HMCN1: variants seen among roughly 807,000 people sequenced by gnomAD.
The protein encoded by HMCN1 is hemicentin-1.
Under a neutral mutation model 625.9 loss-of-function variants are expected in HMCN1, and 321 were observed. That is an observed-to-expected ratio of 0.51 (90% CI 0.47 to 0.56). HMCN1 has a LOEUF of 0.56. Ranked by LOEUF, HMCN1 falls within the 20% of genes least tolerant of loss-of-function variation. The probability of loss-of-function intolerance (pLI) is 0.00; values close to 1 mark genes in which losing one functional copy is unlikely to be tolerated. For synonymous variants in HMCN1, 2,425 were observed against 2,417.6 expected (o/e 1.00, Z -0.09); for missense variants, 6,588 against 6,887.3 (o/e 0.96, Z 1.54).
chr1:185,752,054 G>A (rs1302002910), intron 1 of HMCN1, among the ~76,000 whole-genome samples: 1 of 151,946 alleles, frequency 6.6e-6, no homozygotes, highest in African/African-American at 2.4e-5. Context: ...GTATACTACC[G>A]GTCTTTCTAC....
In HMCN1 at chr1:186,081,220, C is replaced by T; in HGVS notation, c.8613C>T (p.Ile2871=). ...YDVRVLVPPI[I]KGANSDLPEE... is the part of the protein sequence containing the mutation. Reference sequence around the variant, plus strand: ...ATCCTTTGTTAGTGCCGCCAATTATCAAGGGAGCAAATAGTGATCTCCCTG... The same window carrying T: ...ATCCTTTGTTAGTGCCGCCAATTATTAAGGGAGCAAATAGTGATCTCCCTG... The change falls in exon 56 of 107, where the codon ATC becomes ATT. Residue 2871 remains isoleucine (I), a synonymous_variant. Coordinates refer to ENST00000271588, the MANE Select transcript of HMCN1 (RefSeq NM_031935.3). 1 of 1,613,454 alleles carries T rather than the reference C, an allele frequency of 6.2e-7. No homozygotes were observed. Among genetic ancestry groups the T allele is most frequent in the Non-Finnish European group, 8.5e-7 (1 of 1,179,470 alleles).
chr1:185,797,838 C>T (rs1387125870), intron 1 of HMCN1, among the ~76,000 whole-genome samples: 3 of 138,902 alleles, frequency 2.2e-5, no homozygotes, highest in East Asian at 2.0e-4. Flanking sequence ...TAGTGGCGGG[C>T]GCCTGTAGTC....
chr1:185,798,315 T>C lies in HMCN1; in HGVS notation c.269-47711T>C, dbSNP rs143745897. Reference sequence around the variant, plus strand: ...TTCCTTTATAGGCAATTAGATGCTTTTCTCTTGCTGACTTTAGGCTGATGA... The same window carrying C: ...TTCCTTTATAGGCAATTAGATGCTTCTCTCTTGCTGACTTTAGGCTGATGA... On this transcript the variant is annotated intron_variant, in intron 1 of 106. Transcript: ENST00000271588. Among the ~76,000 whole-genome samples, 898 of 152,352 alleles carry C rather than the reference T, an allele frequency of 5.9e-3. 3 individuals carry two copies. Among genetic ancestry groups the C allele is most frequent in the Non-Finnish European group, 9.3e-3 (635 of 68,034 alleles).
At chr1:185,823,904 T>C (rs764068271) in intron 1 of HMCN1, among the ~76,000 whole-genome samples, 23 of 152,232 alleles carry the variant, frequency 1.5e-4, no homozygotes, top group Non-Finnish European at 3.1e-4. Flanking sequence ...AATGTGCGAC[T>C]ATTTCTACTT....
At chr1:185,743,369 C>T (rs1654117791) in intron 1 of HMCN1, among the ~76,000 whole-genome samples, 2 of 152,162 alleles carry the variant, frequency 1.3e-5, no homozygotes, top group African/African-American at 4.8e-5. Flanking sequence ...ATCTCCCATC[C>T]AAGCTTGAAT....
intron 68 of HMCN1, among the ~76,000 whole-genome samples, 175 bp downstream of exon 68, chr1:186,095,696 G>A (rs1361552998): frequency 6.6e-6 from 1 of 151,976 alleles, no homozygotes; most frequent in African/African-American, 2.4e-5. Context: ...GAAGCATGTT[G>A]AATTTAAATT....
chr1:186,146,380 G>T (rs1650319292), intron 93 of HMCN1, among the ~76,000 whole-genome samples: 3 of 152,172 alleles, frequency 2.0e-5, no homozygotes, highest in Non-Finnish European at 4.4e-5. Context: ...GTCATGCATT[G>T]CATCTAGCAA....
At chr1:185,894,877 T>C (rs1665397500) in intron 4 of HMCN1, among the ~76,000 whole-genome samples, 1 of 152,224 alleles carries the variant, frequency 6.6e-6, no homozygotes, top group Admixed American at 6.5e-5. Flanking sequence ...TTGTTTTTTT[T>C]CCTGACACGG....
At chr1:186,031,796 G>C (rs1167455702) in intron 36 of HMCN1, among the ~76,000 whole-genome samples, 2 of 151,878 alleles carry the variant, frequency 1.3e-5, no homozygotes, top group African/African-American at 4.8e-5. Context: ...CAGGTGTTGA[G>C]TTTTTATTAC....
intron 64 of HMCN1, among the ~76,000 whole-genome samples, chr1:186,092,438 C>T (rs965247647): frequency 6.6e-6 from 1 of 151,842 alleles, no homozygotes; most frequent in African/African-American, 2.4e-5. Flanking sequence ...TTACTTTTGA[C>T]ACAGGGTAAT....
chr1:185,944,217 T>C (rs1668221931), intron 11 of HMCN1, among the ~76,000 whole-genome samples: 1 of 151,032 alleles, frequency 6.6e-6, no homozygotes, highest in East Asian at 1.9e-4. Context: ...TAAATGAGAG[T>C]ACTTACCAAA....
chr1:185,846,212 T>A, intron 2 of HMCN1, 116 bp downstream of exon 2: 3 of 744,048 alleles, frequency 4.0e-6, no homozygotes, highest in Non-Finnish European at 7.0e-6. Flanking sequence ...AGGGACCCAA[T>A]AATTGCCACA....
intron 11 of HMCN1, among the ~76,000 whole-genome samples, chr1:185,951,516 A>G (rs1014169847): frequency 2.0e-4 from 30 of 147,516 alleles, no homozygotes; most frequent in South Asian, 4.3e-4. Context: ...CTCAGTGTCC[A>G]TGATGGTCTA....
intron 1 of HMCN1, among the ~76,000 whole-genome samples, chr1:185,764,225 A>G (rs1405934846): frequency 6.6e-6 from 1 of 152,152 alleles, no homozygotes; most frequent in East Asian, 1.9e-4. Context: ...TGCATGGTGA[A>G]ATGGAGGGTG....
At chr1:185,766,067 A>G (rs1655851453) in intron 1 of HMCN1, among the ~76,000 whole-genome samples, 1 of 152,176 alleles carries the variant, frequency 6.6e-6, no homozygotes, top group Non-Finnish European at 1.5e-5. Context: ...CAATTAAAAT[A>G]TATAATTAAA....
intron 42 of HMCN1, 120 bp downstream of exon 42, chr1:186,048,959 C>T (rs1057243956): frequency 1.4e-6 from 1 of 694,448 alleles, no homozygotes; most frequent in Non-Finnish European, 2.6e-6. Flanking sequence ...ACAATTAGTA[C>T]ATTTACATGG....
chr1:185,952,281 G>A (rs999132059), intron 11 of HMCN1, among the ~76,000 whole-genome samples: 1 of 151,712 alleles, frequency 6.6e-6, no homozygotes, highest in African/African-American at 2.4e-5. Context: ...GAGGGGAGGT[G>A]ATAAAAAGAT....
At chr1:186,056,829 C>T (rs1218101957) in intron 45 of HMCN1, among the ~76,000 whole-genome samples, 3 of 151,688 alleles carry the variant, frequency 2.0e-5, no homozygotes, top group African/African-American at 7.3e-5. Flanking sequence ...TCAATCATAC[C>T]CCAAGCCTCA....
chr1:186,185,603 T>G (rs1460659046), intron 105 of HMCN1, among the ~76,000 whole-genome samples: 1 of 152,256 alleles, frequency 6.6e-6, no homozygotes, highest in Non-Finnish European at 1.5e-5. Context: ...CTCCGTATCA[T>G]TCTAACCCAG....
Sources: gnomAD v4.1 joint callset for allele counts (sites outside exome capture counted in the v4.1 genomes callset) on GRCh38, gnomAD v4.1.1 for gene constraint, MANE v1.5 for transcripts, NCBI Gene and HGNC (gene_info 2026-07-23, HGNC 2026-07-21) for gene names.